Variants in VMP1 observed in about 807,000 individuals in gnomAD.
VMP1 encodes vacuole membrane protein 1.
VMP1 carries 11 observed loss-of-function variants against 56.0 expected under a neutral mutation model. The ratio of observed to expected loss-of-function variants is 0.20; its 90% CI spans 0.12 to 0.32. The LOEUF is 0.32. Among genes scored for constraint, VMP1 ranks in the 10% least tolerant of loss-of-function variants. The pLI, the probability that VMP1 is intolerant of heterozygous loss-of-function variation, is 1.00. For missense variants in VMP1, 296 were observed against 490.3 expected (o/e 0.60, Z 3.74); for synonymous variants, 149 against 165.0 (o/e 0.90, Z 0.74).
chr17:59,801,112 A>G lies in VMP1; in HGVS notation c.715-7684A>G, dbSNP rs12103829. On this transcript the variant is annotated intron_variant, in intron 7 of 11. Coordinates refer to ENST00000262291, the MANE Select transcript of VMP1 (RefSeq NM_030938.5). ...AAAAAATATATATATATATATATAT[A>G]TGTGTGTGTGTGTGTGTGTGTGTGT... 8.7e-3 allele frequency among the ~76,000 whole-genome samples: 964 copies of G among 110,212 alleles called. 15 individuals are homozygous for G. The highest frequency in any genetic ancestry group is 0.028 in the African/African-American group (628 of 22,628). The allele number at this position is 110,212 out of a possible 152,430, so 72.3% of individuals were successfully genotyped here.
intron 5 of VMP1, among the ~76,000 whole-genome samples, chr17:59,748,506 A>G (rs1242856246): frequency 6.6e-6 from 1 of 152,104 alleles, no homozygotes; most frequent in Non-Finnish European, 1.5e-5. Context: ...TAACTTTTAA[A>G]CCTCAGTCAT....
chr17:59,831,359 AC>A (rs1446173393), intron 10 of VMP1, among the ~76,000 whole-genome samples: 4 of 152,108 alleles, frequency 2.6e-5, no homozygotes, highest in Non-Finnish European at 4.4e-5. Flanking sequence ...TTTTGTAGAG[AC>A]AGGGTTCTCA....
At chr17:59,809,656 G>A (rs1328732809) in intron 8 of VMP1, among the ~76,000 whole-genome samples, 7 of 150,248 alleles carry the variant, frequency 4.7e-5, no homozygotes, top group East Asian at 2.0e-4. Context: ...ACAGGCGCCC[G>A]CCACTACGCC....
At chr17:59,818,565 G>A (rs939248462) in intron 10 of VMP1, among the ~76,000 whole-genome samples, 1 of 152,030 alleles carries the variant, frequency 6.6e-6, no homozygotes, top group African/African-American at 2.4e-5. Context: ...GAGGTTGGGA[G>A]TTCAAGACCA....
intron 3 of VMP1, 105 bp from the exon 4 acceptor site, chr17:59,737,348 C>T (rs1466929430): frequency 1.9e-6 from 2 of 1,071,712 alleles, no homozygotes; most frequent in South Asian, 1.6e-5. Flanking sequence ...GAGCTCAGCC[C>T]AGCTGAGCTA....
intron 7 of VMP1, among the ~76,000 whole-genome samples, chr17:59,794,758 C>T (rs901560857): frequency 6.7e-6 from 1 of 149,146 alleles, no homozygotes; most frequent in Non-Finnish European, 1.5e-5. Flanking sequence ...CTCCTGAAAC[C>T]GTATTTCTTC....
At chr17:59,753,843 A>T (rs1016026588) in intron 5 of VMP1, among the ~76,000 whole-genome samples, 2 of 152,138 alleles carry the variant, frequency 1.3e-5, no homozygotes, top group African/African-American at 2.4e-5. Flanking sequence ...GGATTTTCTC[A>T]TGTTTAAAGT....
chr17:59,761,394 A>G (rs900270628), intron 5 of VMP1, among the ~76,000 whole-genome samples: 1 of 152,194 alleles, frequency 6.6e-6, no homozygotes, highest in African/African-American at 2.4e-5. Flanking sequence ...TGAATGCTAG[A>G]TATGTAGTAT....
At chr17:59,777,229 A>G (rs1327739883) in intron 7 of VMP1, among the ~76,000 whole-genome samples, 1 of 152,106 alleles carries the variant, frequency 6.6e-6, no homozygotes, top group Non-Finnish European at 1.5e-5. Flanking sequence ...GCTTGAACAT[A>G]TTCTGCTGTA....
intron 5 of VMP1, among the ~76,000 whole-genome samples, chr17:59,759,021 G>A (rs2035947535): frequency 6.6e-6 from 1 of 152,128 alleles, no homozygotes; most frequent in South Asian, 2.1e-4. Flanking sequence ...TAGAGGTTGA[G>A]GCTGCAGTGA....
intron 6 of VMP1, among the ~76,000 whole-genome samples, chr17:59,771,606 G>A (rs1047580622): frequency 8.1e-6 from 1 of 123,454 alleles, no homozygotes; most frequent in African/African-American, 3.0e-5. Context: ...GGTTTTTTTG[G>A]TTTTTTTTTT....
chr17:59,759,703 T>A (rs1430258236), intron 5 of VMP1, among the ~76,000 whole-genome samples: 1 of 152,164 alleles, frequency 6.6e-6, no homozygotes, highest in Non-Finnish European at 1.5e-5. Context: ...AGACAGCGTG[T>A]ACTAATCCAG....
chr17:59,790,824 T>C (rs1030380433), intron 7 of VMP1, among the ~76,000 whole-genome samples: 1 of 152,186 alleles, frequency 6.6e-6, no homozygotes, highest in African/African-American at 2.4e-5. Context: ...TACACTCAAA[T>C]TATTCTGATA....
chr17:59,816,259 A>T (rs1339470588), intron 9 of VMP1, among the ~76,000 whole-genome samples: 1 of 152,202 alleles, frequency 6.6e-6, no homozygotes, highest in Non-Finnish European at 1.5e-5. Flanking sequence ...GGGAAAGTTC[A>T]TGGTGATGAA....
At position 59,772,950 on chromosome 17, in the gene VMP1, C is replaced by CTTTTTTTTTTT. The variant is rs1179269248; in HGVS notation, c.583-784_583-774dup. On this transcript the variant is annotated intron_variant, in intron 6 of 11. Coordinates refer to ENST00000262291, the MANE Select transcript of VMP1 (RefSeq NM_030938.5). ...TATCTAACACATATACTGGTGAATTCTTTTTTTTTTTTTTTTTTTTTTTTT... is the reference window on the plus strand; with the variant it reads ...TATCTAACACATATACTGGTGAATTCTTTTTTTTTTTTTTTTTTTTTTTTTTTTTTTTTTTT... Among the ~76,000 whole-genome samples the CTTTTTTTTTTT allele has an allele frequency of 4.3e-4, 24 of 55,714 alleles. 4 individuals are homozygous for CTTTTTTTTTTT. The highest frequency in any genetic ancestry group is 1.1e-3 in the African/African-American group (14 of 12,782). The allele number at this position is 55,714 out of a possible 152,430, so 36.6% of individuals were successfully genotyped here. A position where few individuals can be genotyped will look rare whatever the true frequency, so the allele number is the denominator to read the frequency against.
intron 6 of VMP1, among the ~76,000 whole-genome samples, chr17:59,767,533 A>AT (rs1568109539): frequency 6.6e-6 from 1 of 152,230 alleles, no homozygotes; most frequent in East Asian, 1.9e-4. Context: ...GGGACTTTGT[A>AT]TGTAAATTTG....
intron 6 of VMP1, among the ~76,000 whole-genome samples, chr17:59,768,989 C>T (rs781403565): frequency 4.6e-5 from 7 of 151,138 alleles, no homozygotes; most frequent in East Asian, 2.0e-4. Flanking sequence ...GGTGTAGTGG[C>T]GCAGGTCTGT....
chr17:59,734,447 A>G (rs934302447), intron 2 of VMP1, among the ~76,000 whole-genome samples: 1 of 152,210 alleles, frequency 6.6e-6, no homozygotes, highest in African/African-American at 2.4e-5. Flanking sequence ...TATAAAACTT[A>G]GGGGCTTGGC....
chr17:59,786,841 A>C (rs1372778569), intron 7 of VMP1, among the ~76,000 whole-genome samples: 1 of 152,222 alleles, frequency 6.6e-6, no homozygotes, highest in Non-Finnish European at 1.5e-5. Context: ...GCTTGTTTGC[A>C]AAGAGTTAAA....
Sources: allele counts gnomAD v4.1 joint callset (sites outside exome capture counted in the v4.1 genomes callset), GRCh38; gene constraint gnomAD v4.1.1; transcripts MANE v1.5; gene names NCBI Gene and HGNC (gene_info 2026-07-23, HGNC 2026-07-21).